The following PCYT1B variants were observed in gnomAD, a reference collection of about 807,000 sequenced individuals.
PCYT1B encodes choline-phosphate cytidylyltransferase B.
In PCYT1B, 10 loss-of-function variants were observed where a neutral mutation model predicts 26.4. The observed-to-expected ratio is 0.38, with a 90% CI of 0.23 to 0.64. PCYT1B has a LOEUF of 0.64. Among genes scored for constraint, PCYT1B ranks in the 30% least tolerant of loss-of-function variants. The probability of loss-of-function intolerance (pLI) is 0.56; values close to 1 mark genes in which losing one functional copy is unlikely to be tolerated. For missense variants in PCYT1B, 161 were observed against 292.7 expected (o/e 0.55, Z 3.28); for synonymous variants, 131 against 108.4 (o/e 1.21, Z -1.29).
intron 1 of PCYT1B, among the ~76,000 whole-genome samples, chrX:24,643,148 G>A (rs1232786029): frequency 9.0e-6 from 1 of 111,405 alleles, no homozygotes; most frequent in Non-Finnish European, 1.9e-5. Context: ...CAACTTTCAG[G>A]GTGGCTGGGC....
chrX:24,603,837 C>T (rs868690941), intron 3 of PCYT1B, among the ~76,000 whole-genome samples: 37 of 111,850 alleles, frequency 3.3e-4, no homozygotes, highest in Middle Eastern at 9.3e-3. Flanking sequence ...ATGATAGACA[C>T]AGAATTTTAG....
chrX:24,590,020 T>C lies in PCYT1B; in HGVS notation c.486+3A>G. 2 of 1,197,586 alleles carry C rather than the reference T, an allele frequency of 1.7e-6. No homozygotes were observed. The highest frequency in any genetic ancestry group is 2.3e-6 in the Non-Finnish European group (2 of 886,048). ...TTAGAGAATGTGGGAGAATGAGAAG[T>C]ACCTTGTGTTTTTCCAGAAACTCTG... is the stretch of plus-strand genomic sequence containing the variant. On this transcript the variant is annotated splice_donor_region_variant and intron_variant, in intron 4 of 7. Transcript: ENST00000379144.
chrX:24,670,090 A>G (rs1219104681), intron 1 of PCYT1B, among the ~76,000 whole-genome samples: 2 of 93,184 alleles, frequency 2.1e-5, no homozygotes, highest in East Asian at 7.1e-4. Context: ...GAAAGAAAGA[A>G]AGAAAGAAAG....
chrX:24,579,583 G>A (rs1014163645), intron 5 of PCYT1B, 125 bp from the exon 6 acceptor site: 2 of 576,926 alleles, frequency 3.5e-6, no homozygotes, highest in African/African-American at 2.3e-5. Flanking sequence ...AAGACTTTAC[G>A]TCTGGCCCCA....
chrX:24,619,129 C>G (rs758902887), intron 1 of PCYT1B, 45 bp from the exon 2 acceptor site: 1 of 938,502 alleles, frequency 1.1e-6, no homozygotes, highest in South Asian at 2.0e-5. Context: ...ACAAACTTTC[C>G]TTTGGCACTA....
intron 1 of PCYT1B, among the ~76,000 whole-genome samples, chrX:24,634,798 G>A (rs975709307): frequency 2.7e-5 from 3 of 111,741 alleles, no homozygotes; most frequent in African/African-American, 9.8e-5. Context: ...CAATGAAATA[G>A]GAAAGCAAAG....
intron 7 of PCYT1B, among the ~76,000 whole-genome samples, chrX:24,562,730 CTTT>C (rs61009568): frequency 1.1e-4 from 10 of 90,054 alleles, no homozygotes; most frequent in Admixed American, 1.2e-4. Context: ...CTTTTTTTCT[CTTT>C]TTTTTTTTTT....
At chrX:24,671,478 G>A (rs1396337048) in intron 1 of PCYT1B, among the ~76,000 whole-genome samples, 1 of 111,142 alleles carries the variant, frequency 9.0e-6, no homozygotes, top group African/African-American at 3.3e-5. Flanking sequence ...CTGGGGAAGG[G>A]ACCAACTGGG....
intron 1 of PCYT1B, among the ~76,000 whole-genome samples, chrX:24,643,080 A>C (rs770170025): frequency 5.4e-5 from 6 of 111,935 alleles, no homozygotes; most frequent in South Asian, 7.5e-4. Flanking sequence ...TCCTTCTGAC[A>C]ACAGAATGCA....
chrX:24,672,311 T>C (rs1347520965), intron 1 of PCYT1B, among the ~76,000 whole-genome samples: 2 of 112,339 alleles, frequency 1.8e-5, no homozygotes, highest in East Asian at 2.8e-4. Context: ...TTTTTTTTAG[T>C]AAGCAAATTT....
chrX:24,672,732 A>G, upstream of PCYT1B: 2 of 632,414 alleles, frequency 3.2e-6, no homozygotes, highest in South Asian at 2.7e-5. Context: ...ACCAAAGGTC[A>G]AGCAGGCTCT....
At chrX:24,652,273 G>A (rs1395798970), upstream of PCYT1B, among the ~76,000 whole-genome samples, 1 of 112,597 alleles carries the variant, frequency 8.9e-6, no homozygotes, top group Non-Finnish European at 1.9e-5. Flanking sequence ...TAAAAGTAAT[G>A]ACAGGCCATG....
chrX:24,616,054 T>C (rs146018833), intron 2 of PCYT1B, among the ~76,000 whole-genome samples: 2,854 of 110,632 alleles, frequency 0.026, 33 homozygotes, highest in Non-Finnish European at 0.039. Flanking sequence ...ATAATAGTCA[T>C]CTCACATGGT....
At chrX:24,567,270 C>G (rs999274626) in intron 7 of PCYT1B, among the ~76,000 whole-genome samples, 11 of 111,888 alleles carry the variant, frequency 9.8e-5, no homozygotes, top group African/African-American at 3.3e-4. Context: ...GATGAAAGAA[C>G]TTGAATCTTT....
At chrX:24,572,260 G>GCA (rs769952827) in intron 7 of PCYT1B, among the ~76,000 whole-genome samples, 3 of 101,500 alleles carry the variant, frequency 3.0e-5, no homozygotes, top group South Asian at 4.6e-4. Context: ...ATACACACAC[G>GCA]CGCGCGCACA....
intron 6 of PCYT1B, 135 bp downstream of exon 6, chrX:24,579,181 C>G (rs752577208): frequency 3.1e-5 from 16 of 523,766 alleles, no homozygotes; most frequent in Admixed American, 2.6e-4. Context: ...GACCCCATCT[C>G]TACACAAAAA....
upstream of PCYT1B, among the ~76,000 whole-genome samples, chrX:24,651,558 TCTCA>T (rs1311118696): frequency 3.1e-4 from 28 of 90,623 alleles, no homozygotes; most frequent in African/African-American, 1.0e-3. Flanking sequence ...TGAGACAGGG[TCTCA>T]CTCTGTTGCC....
At position 24,560,375 on chromosome X, in the gene PCYT1B, A is replaced by G. The variant is rs1923361989; in HGVS notation, c.*1918T>C. ...ATGGTAGGCAGACTTGCATGGCTTG[A>G]CCTGAGTGCATGATGGAAGACAGAG... On this transcript the variant is annotated 3_prime_UTR_variant, in exon 8 of 8. Coordinates refer to ENST00000379144, the MANE Select transcript of PCYT1B (RefSeq NM_004845.5). 9.0e-6 allele frequency: 1 copy of G among 111,637 alleles called. No homozygotes were observed. The highest frequency in any genetic ancestry group is 1.9e-5 in the Non-Finnish European group (1 of 53,100). 9.2% of individuals were successfully genotyped at this position (111,637 alleles called of 1,213,427 possible).
rs751668553 is a variant in PCYT1B, at chrX:24,619,193, A to G, written c.118-109T>C. 1.4e-4 allele frequency: 75 copies of G among 552,367 alleles called. 2 individuals carry two copies. The Admixed American group carries it at 1.7e-3, about 13-fold the overall frequency. 45.5% of individuals were successfully genotyped at this position (552,367 alleles called of 1,213,427 possible). ...CTACACAGGTATGATTAAGAAGTCA[A>G]ATATATCCACTGAGTCTCAGAGAAA... On this transcript the variant is annotated intron_variant, in intron 1 of 7. Coordinates refer to ENST00000379144, the MANE Select transcript of PCYT1B (RefSeq NM_004845.5).
Sources: allele counts gnomAD v4.1 joint callset (sites outside exome capture counted in the v4.1 genomes callset), GRCh38; gene constraint gnomAD v4.1.1; transcripts MANE v1.5; gene names NCBI Gene and HGNC (gene_info 2026-07-23, HGNC 2026-07-21).